The following KALRN variants were observed in gnomAD, a reference collection of about 807,000 sequenced individuals.
KALRN encodes the protein kalirin RhoGEF kinase, also known as kalirin.
Under a neutral mutation model 353.7 loss-of-function variants are expected in KALRN, and 70 were observed. The observed-to-expected ratio is 0.20, with a 90% CI of 0.16 to 0.24. The LOEUF is 0.24. KALRN is among the 10% of genes least tolerant of loss of function. KALRN has a pLI of 1.00. For synonymous variants in KALRN, 1,391 were observed against 1,434.8 expected (o/e 0.97, Z 0.69); for missense variants, 2,791 against 3,756.7 (o/e 0.74, Z 6.72).
intron 1 of KALRN, among the ~76,000 whole-genome samples, chr3:124,044,395 C>T (rs1409834155): frequency 6.6e-6 from 1 of 152,140 alleles, no homozygotes; most frequent in Non-Finnish European, 1.5e-5. Context: ...CAGGAACTTA[C>T]CAGCTTTGTG....
chr3:124,200,848 C>T lies in KALRN; in HGVS notation c.74-27142C>T, dbSNP rs148447459. Among the ~76,000 whole-genome samples, 14 of 152,208 alleles carry T rather than the reference C, an allele frequency of 9.2e-5. 1 individual carries two copies. Among genetic ancestry groups the T allele is most frequent in the Admixed American group, 2.0e-4 (3 of 15,282 alleles). ...TAAGTGTCCTTTTGATTTGTGAATCCGTATGTATGGCATAGATAATGCAGG... is the reference window on the plus strand; with the variant it reads ...TAAGTGTCCTTTTGATTTGTGAATCTGTATGTATGGCATAGATAATGCAGG... On this transcript the variant is annotated intron_variant, in intron 1 of 59. Coordinates refer to ENST00000682506, the MANE Select transcript of KALRN (RefSeq NM_001388419.1).
intron 13 of KALRN, among the ~76,000 whole-genome samples, chr3:124,413,139 G>A (rs1292163404): frequency 6.6e-6 from 1 of 152,160 alleles, no homozygotes; most frequent in African/African-American, 2.4e-5. Flanking sequence ...TGGACCTGGA[G>A]ATCTCCACCA....
At position 124,657,717 on chromosome 3, in the gene KALRN, C is replaced by G; in HGVS notation, c.5967-17C>G. On this transcript the variant is annotated splice_polypyrimidine_tract_variant and intron_variant, in intron 40 of 59. Transcript: ENST00000682506. ...GAATAATGTGGCTTCCTTCTCTTAT[C>G]CCCTTTCTCCTTTTAGTTTTTTCCT... 6.3e-7 allele frequency: 1 copy of G among 1,595,274 alleles called. No individual in the cohort carries two copies.
At chr3:124,502,799 C>T (rs2064754836) in intron 33 of KALRN, among the ~76,000 whole-genome samples, 1 of 152,142 alleles carries the variant, frequency 6.6e-6, no homozygotes, top group Non-Finnish European at 1.5e-5. Context: ...CTGTGTTTTG[C>T]CACTGAAGAG....
intron 1 of KALRN, among the ~76,000 whole-genome samples, chr3:124,044,859 CTCCTTCCTTCCTTCCTTCCT>C (rs1186718315): frequency 2.5e-4 from 11 of 43,208 alleles, no homozygotes; most frequent in African/African-American, 6.8e-4. Context: ...CCCTCCCTCC[CTCCTTCCTTCCTTCCTTCCT>C]TCCTTCCTTC....
At chr3:124,377,532 G>C (rs1240709888) in intron 10 of KALRN, among the ~76,000 whole-genome samples, 1 of 152,098 alleles carries the variant, frequency 6.6e-6, no homozygotes, top group African/African-American at 2.4e-5. Flanking sequence ...CTGTTGGGGT[G>C]GGGGTGGAGT....
At position 124,378,032 on chromosome 3, in the gene KALRN, C is replaced by T. The variant is rs910512279; in HGVS notation, c.1771-6813C>T. On this transcript the variant is annotated intron_variant, in intron 10 of 59. Coordinates refer to ENST00000682506, the MANE Select transcript of KALRN (RefSeq NM_001388419.1). The stretch of plus-strand genomic sequence containing the variant: ...CTGCCTTTTGATTGTGTTATTTAGA[C>T]AATTTATATTTAATGTGATTGCTGA... 4.6e-5 allele frequency among the ~76,000 whole-genome samples: 7 copies of T among 152,064 alleles called. 1 individual carries two copies. In the East Asian group the frequency reaches 1.4e-3, roughly 29 times the overall value.
chr3:124,364,753 A>C (rs1469871587), intron 10 of KALRN, among the ~76,000 whole-genome samples: 2 of 152,146 alleles, frequency 1.3e-5, no homozygotes, highest in East Asian at 3.9e-4. Flanking sequence ...TTTCCACACC[A>C]GACAGCCACT....
chr3:124,697,564 G>A (rs376890564), intron 54 of KALRN, 29 bp from the exon 55 acceptor site: 2 of 1,558,388 alleles, frequency 1.3e-6, no homozygotes, highest in Non-Finnish European at 1.7e-6. Context: ...TGCAGAAATA[G>A]CACCTGATCC....
At chr3:124,160,275 T>C (rs1412479881) in intron 1 of KALRN, among the ~76,000 whole-genome samples, 8 of 151,918 alleles carry the variant, frequency 5.3e-5, no homozygotes, top group Admixed American at 5.2e-4. Context: ...CAGGGCAGCC[T>C]CAGGATGATG....
chr3:124,405,458 G>A (rs543897343), intron 13 of KALRN, among the ~76,000 whole-genome samples: 55 of 152,256 alleles, frequency 3.6e-4, no homozygotes, highest in African/African-American at 1.3e-3. Context: ...TCTAGAATGA[G>A]TGAGCAATAT....
intron 51 of KALRN, among the ~76,000 whole-genome samples, chr3:124,692,053 A>G (rs1201632878): frequency 2.0e-5 from 3 of 152,202 alleles, no homozygotes; most frequent in Non-Finnish European, 4.4e-5. Flanking sequence ...AGGTTCATTA[A>G]ACAAGGCTGC....
chr3:124,662,984 G>C (rs1471071945), intron 45 of KALRN, among the ~76,000 whole-genome samples: 1 of 151,662 alleles, frequency 6.6e-6, no homozygotes, highest in East Asian at 1.9e-4. Context: ...TTTAAACAGA[G>C]TTTTGCTCTT....
intron 6 of KALRN, 89 bp downstream of exon 6, chr3:124,299,002 G>A (rs1265327723): frequency 2.3e-5 from 35 of 1,526,858 alleles, no homozygotes; most frequent in Non-Finnish European, 2.9e-5. Context: ...CTTTCCACCC[G>A]AGGAAGAACT....
In KALRN at chr3:124,044,895, TTCCTTCCTTC is replaced by T. The variant is rs1559863682; in HGVS notation, c.73+11083_73+11092del. On this transcript the variant is annotated intron_variant, in intron 1 of 59. Coordinates refer to ENST00000682506, the MANE Select transcript of KALRN (RefSeq NM_001388419.1). ...CTTCCTTCCTTCCTTCCTTCCTTCC[TTCCTTCCTTC>T]CTTCCTTCTCTTCCTTCTCTTCCTT... is the stretch of plus-strand genomic sequence containing the variant. Among the ~76,000 whole-genome samples the T allele has an allele frequency of 3.9e-3, 101 of 25,644 alleles. 2 individuals carry two copies. The highest frequency in any genetic ancestry group is 9.7e-3 in the African/African-American group (91 of 9,406). The allele number at this position is 25,644 out of a possible 152,430, so 16.8% of individuals were successfully genotyped here.
At chr3:124,257,592 G>A (rs1304667903) in intron 3 of KALRN, among the ~76,000 whole-genome samples, 2 of 152,232 alleles carry the variant, frequency 1.3e-5, no homozygotes, top group East Asian at 3.8e-4. Context: ...GAGCCCTGGA[G>A]AGTCTATGAA....
chr3:124,663,138 G>A (rs142220510), intron 45 of KALRN, among the ~76,000 whole-genome samples: 25 of 152,248 alleles, frequency 1.6e-4, no homozygotes, highest in African/African-American at 5.8e-4. Flanking sequence ...GTAGAGACGG[G>A]GTTTCTCCAT....
At chr3:124,129,525 A>C (rs149695010) in intron 1 of KALRN, among the ~76,000 whole-genome samples, 1 of 152,324 alleles carries the variant, frequency 6.6e-6, no homozygotes, top group African/African-American at 2.4e-5. Context: ...TAGGCACTGC[A>C]CTTGGTGGTT....
chr3:124,116,402 A>C (rs1017996322), intron 1 of KALRN, among the ~76,000 whole-genome samples: 1 of 152,232 alleles, frequency 6.6e-6, no homozygotes, highest in Non-Finnish European at 1.5e-5. Context: ...TGCTTATCTC[A>C]ACCTTCAAAA....
Sources: gnomAD v4.1 joint callset for allele counts (sites outside exome capture counted in the v4.1 genomes callset) on GRCh38, gnomAD v4.1.1 for gene constraint, MANE v1.5 for transcripts, NCBI Gene and HGNC (gene_info 2026-07-23, HGNC 2026-07-21) for gene names.